The following SRGAP3 variants were observed in gnomAD, a reference collection of about 807,000 sequenced individuals.
The protein encoded by SRGAP3 is SLIT-ROBO Rho GTPase-activating protein 3.
SRGAP3 carries 39 observed loss-of-function variants against 121.1 expected under a neutral mutation model. The observed-to-expected ratio is 0.32, with a 90% CI of 0.25 to 0.42. SRGAP3 has a LOEUF of 0.42. Among genes scored for constraint, SRGAP3 ranks in the 10% least tolerant of loss-of-function variants. SRGAP3 has a pLI of 1.00. For synonymous variants in SRGAP3, 601 were observed against 570.0 expected, an observed-to-expected ratio of 1.05 and a Z score of -0.77; for missense variants, 1,213 against 1,470.6, an observed-to-expected ratio of 0.82 and a Z score of 2.86.
intron 1 of SRGAP3, among the ~76,000 whole-genome samples, chr3:9,173,923 T>G (rs577307734): frequency 1.4e-4 from 21 of 152,344 alleles, no homozygotes; most frequent in African/African-American, 5.1e-4. Context: ...GCCAGGCACG[T>G]GATCATGCTC....
intron 1 of SRGAP3, among the ~76,000 whole-genome samples, chr3:9,361,831 G>T (rs2728923): frequency 0.86 from 131,181 of 152,114 alleles, 56,830 homozygotes; most frequent in African/African-American, 0.93. Context: ...CTGGCCAGTC[G>T]ACAGAGGACG....
At chr3:9,060,424 A>C in intron 5 of SRGAP3, 65 bp from the exon 6 acceptor site, 2 of 1,035,082 alleles carry the variant, frequency 1.9e-6, no homozygotes, top group Non-Finnish European at 2.6e-6. Context: ...GTGATTTTCT[A>C]TTCCTTTTTT....
chr3:9,263,598 A>G (rs565457628), intron 3 of SRGAP3, among the ~76,000 whole-genome samples: 3 of 152,360 alleles, frequency 2.0e-5, no homozygotes, highest in African/African-American at 4.8e-5. Context: ...AAACACCTCT[A>G]TGCAAATAAA....
At chr3:9,136,173 G>A (rs1053089720) in intron 1 of SRGAP3, among the ~76,000 whole-genome samples, 1 of 151,952 alleles carries the variant, frequency 6.6e-6, no homozygotes, top group Non-Finnish European at 1.5e-5. Context: ...CCTGGCCCAC[G>A]TTTCGCTCCT....
intron 2 of SRGAP3, among the ~76,000 whole-genome samples, chr3:9,116,816 T>C (rs1181155581): frequency 6.6e-6 from 1 of 152,246 alleles, no homozygotes; most frequent in African/African-American, 2.4e-5. Flanking sequence ...GTGCTAGCTA[T>C]GTCCCTCTGG....
intron 9 of SRGAP3, among the ~76,000 whole-genome samples, chr3:9,049,000 A>G (rs1945423993): frequency 6.6e-6 from 1 of 152,152 alleles, no homozygotes; most frequent in South Asian, 2.1e-4. Context: ...AGCCCTGAGA[A>G]TAAAGTGAAG....
intron 3 of SRGAP3, among the ~76,000 whole-genome samples, chr3:9,310,504 TG>T (rs1282819529): frequency 1.3e-5 from 2 of 152,020 alleles, no homozygotes; most frequent in South Asian, 4.2e-4. Flanking sequence ...TCAGGGCCAA[TG>T]GCACTCCAGG....
chr3:9,200,249 A>C (rs1410747489), intron 1 of SRGAP3, among the ~76,000 whole-genome samples: 2 of 152,264 alleles, frequency 1.3e-5, no homozygotes, highest in African/African-American at 4.8e-5. Flanking sequence ...TATATTATCA[A>C]AACTAAAATT....
At chr3:9,015,860 A>G in intron 14 of SRGAP3, 129 bp from the exon 15 acceptor site, 1 of 1,022,424 alleles carries the variant, frequency 9.8e-7, no homozygotes, top group Admixed American at 2.0e-5. Context: ...TCTCCCCCAC[A>G]TATGAGGCCC....
At chr3:9,058,110 C>G in intron 7 of SRGAP3, 141 bp downstream of exon 7, 1 of 876,912 alleles carries the variant, frequency 1.1e-6, no homozygotes, top group Non-Finnish European at 1.9e-6. Flanking sequence ...AACTCCTCAG[C>G]TGGGGAAGCC....
At chr3:9,267,915 A>C (rs1006335254) in intron 3 of SRGAP3, among the ~76,000 whole-genome samples, 1 of 151,678 alleles carries the variant, frequency 6.6e-6, no homozygotes, top group Non-Finnish European at 1.5e-5. Context: ...TGACAACTCT[A>C]AGATAGCTAC....
chr3:9,319,859 C>A (rs1955411708), intron 3 of SRGAP3, among the ~76,000 whole-genome samples: 1 of 151,906 alleles, frequency 6.6e-6, no homozygotes, highest in Non-Finnish European at 1.5e-5. Flanking sequence ...GTAAGAAGTG[C>A]AAAGCCAGGA....
At chr3:9,156,521 C>T (rs1950422156) in intron 1 of SRGAP3, among the ~76,000 whole-genome samples, 1 of 152,168 alleles carries the variant, frequency 6.6e-6, no homozygotes, top group African/African-American at 2.4e-5. Flanking sequence ...TATTACTCTG[C>T]CATAGCCTTA....
intron 3 of SRGAP3, among the ~76,000 whole-genome samples, chr3:9,291,240 C>T (rs903433825): frequency 6.6e-6 from 1 of 152,122 alleles, no homozygotes. Flanking sequence ...ATGGTGAAAG[C>T]ATGCTGCGAA....
chr3:9,058,185 T>G, intron 7 of SRGAP3, 66 bp downstream of exon 7: 1 of 1,533,242 alleles, frequency 6.5e-7, no homozygotes, highest in Non-Finnish European at 9.0e-7. Context: ...CCAGGGATGA[T>G]GTACTGGAGC....
At chr3:9,171,066 C>G (rs371719751) in intron 1 of SRGAP3, among the ~76,000 whole-genome samples, 4 of 152,346 alleles carry the variant, frequency 2.6e-5, no homozygotes, top group Non-Finnish European at 1.5e-5. Context: ...CCTGACCCTT[C>G]AGGGCCTGGG....
intron 3 of SRGAP3, among the ~76,000 whole-genome samples, chr3:9,090,121 G>A (rs1182104187): frequency 1.3e-5 from 2 of 152,258 alleles, no homozygotes; most frequent in East Asian, 1.9e-4. Flanking sequence ...ATGTCAGTCT[G>A]TAGATACCGA....
chr3:9,119,553 T>C (rs1467465622), intron 2 of SRGAP3, among the ~76,000 whole-genome samples: 1 of 152,234 alleles, frequency 6.6e-6, no homozygotes, highest in African/African-American at 2.4e-5. Flanking sequence ...TAGCTTGGTG[T>C]GGGCTGCCAA....
chr3:9,252,283 C>G (rs115913832), upstream of SRGAP3, among the ~76,000 whole-genome samples: 1 of 152,184 alleles, frequency 6.6e-6, no homozygotes, highest in African/African-American at 2.4e-5. Context: ...CCTGCAGAAC[C>G]ATGAGCCAAA....
Sources: gnomAD v4.1 joint callset for allele counts (sites outside exome capture counted in the v4.1 genomes callset) on GRCh38, gnomAD v4.1.1 for gene constraint, MANE v1.5 for transcripts, NCBI Gene and HGNC (gene_info 2026-07-23, HGNC 2026-07-21) for gene names.